Variants in NOL11 observed in about 807,000 individuals in gnomAD.
NOL11 encodes nucleolar protein 11.
Under a neutral mutation model 93.0 loss-of-function variants are expected in NOL11, and 42 were observed. The ratio of observed to expected loss-of-function variants is 0.45; its 90% confidence interval spans 0.35 to 0.58. The LOEUF is 0.58. NOL11 is among the 20% of genes least tolerant of loss of function. NOL11 has a pLI of 0.00. For synonymous variants in NOL11, 296 were observed against 293.7 expected, an observed-to-expected ratio of 1.01 and a Z score of -0.08; for missense variants, 775 against 841.8, an observed-to-expected ratio of 0.92 and a Z score of 0.98.
At chr17:67,743,417 T>C in intron 16 of NOL11, 62 bp from the exon 17 acceptor site, 1 of 714,154 alleles carries the variant, frequency 1.4e-6, no homozygotes, top group South Asian at 1.9e-5. Flanking sequence ...ATGGACTTTG[T>C]AAAGTGAATT....
In NOL11 at chr17:67,724,122, A is replaced by G. The variant is rs1194684847; in HGVS notation, c.593A>G (p.Gln198Arg). The G allele has an allele frequency of 6.3e-7, 1 of 1,595,832 alleles. No homozygotes were observed. Among genetic ancestry groups the G allele is most frequent in the Non-Finnish European group, 8.5e-7 (1 of 1,170,422 alleles). ...ACCAAATATACACTCTTACTTGGAC[A>G]AGACGAAAACTCTGTTATAAAGAGT... is the stretch of plus-strand genomic sequence containing the variant. Reference protein sequence around the residue: ...ILTKYTLLLGQDENSVIKSFT... With the variant: ...ILTKYTLLLGRDENSVIKSFT... The change falls in exon 6 of 18, where the codon CAA becomes CGA. Residue 198 changes from glutamine to arginine, a missense_variant. Transcript: ENST00000253247.
Position 67,719,771 on chromosome 17 carries a change from T to G in NOL11, c.239T>G (p.Val80Gly). 6.2e-7 allele frequency: 1 copy of G among 1,602,450 alleles called. No homozygotes were observed. Among genetic ancestry groups the G allele is most frequent in the Non-Finnish European group, 8.5e-7 (1 of 1,172,936 alleles). ...VCNFQTGEYV[V>G]VHDNKVLRIW... ...AACTTTCAAACTGGAGAGTATGTTG[T>G]TGTACACGATAATAAGGTGAGTTTT... The change falls in exon 2 of 18, where the codon GTT (valine) becomes GGT (glycine). Residue 80 changes from valine to glycine, a missense_variant. Physicochemically the swap from Val to Gly is moderately radical, Grantham distance 109. Coordinates refer to ENST00000253247, the MANE Select transcript of NOL11 (RefSeq NM_015462.5).
chr17:67,724,034 C>CTT lies in NOL11; in HGVS notation c.520-6_520-5dup. ...GAAATGGGAATATTTATAAAATAAC[C>CTT]TTTTTTTTTTGCAGCATGGAAATTA... is the stretch of plus-strand genomic sequence containing the variant. On this transcript the variant is annotated splice_polypyrimidine_tract_variant and intron_variant, in intron 5 of 17. Coordinates refer to ENST00000253247, the MANE Select transcript of NOL11 (RefSeq NM_015462.5). 1.0e-4 allele frequency: 128 copies of CTT among 1,279,564 alleles called. No individual in the cohort carries two copies. Among genetic ancestry groups the CTT allele is most frequent in the African/African-American group, 4.7e-4 (31 of 66,134 alleles). The allele number at this position is 1,279,564 out of a possible 1,614,324, so 79.3% of individuals were successfully genotyped here. A position where few individuals can be genotyped will look rare whatever the true frequency, so the allele number is the denominator to read the frequency against.
intron 16 of NOL11, 38 bp downstream of exon 16, chr17:67,739,646 A>G: frequency 3.0e-6 from 4 of 1,316,256 alleles, no homozygotes; most frequent in Non-Finnish European, 3.2e-6. Flanking sequence ...GTGCTGGGAA[A>G]AATCTGTGAA....
At position 67,726,471 on chromosome 17, in the gene NOL11, T is replaced by G; in HGVS notation, c.676T>G (p.Cys226Gly). The G allele has an allele frequency of 6.2e-7, 1 of 1,611,298 alleles. No homozygotes were observed. Among genetic ancestry groups the G allele is most frequent in the Non-Finnish European group, 8.5e-7 (1 of 1,179,078 alleles). The stretch of plus-strand genomic sequence containing the variant: ...CTTGTTTCCAACAGGCTCTGATGGT[T>G]GTATATATGAAACCTTGATACCAAT... ...ISLMSLSSDG[C>G]IYETLIPIRP... Residue 226 changes from cysteine (C) to glycine (G), a missense_variant, in exon 7 of 18, where the codon TGT becomes GGT. Around this residue, in one of 2 missense-constraint regions of NOL11, gnomAD observed 359 missense variants for 316.5 expected, o/e 1.13. Transcript: ENST00000253247.
chr17:67,741,897 G>A (rs1272776985), intron 16 of NOL11, among the ~76,000 whole-genome samples: 1 of 152,170 alleles, frequency 6.6e-6, no homozygotes, highest in East Asian at 1.9e-4. Context: ...TCCTGGACCA[G>A]TAGACATACA....
chr17:67,733,933 GGATATTGCTCTGTA>G (rs2055177584), intron 7 of NOL11, among the ~76,000 whole-genome samples: 1 of 151,908 alleles, frequency 6.6e-6, no homozygotes, highest in Non-Finnish European at 1.5e-5. Context: ...ATACTCATGG[GGATATTGCTCTGTA>G]GTTTTTTTGT....
intron 7 of NOL11, among the ~76,000 whole-genome samples, chr17:67,732,347 T>G: frequency 6.6e-6 from 1 of 151,652 alleles, no homozygotes. Flanking sequence ...TAGCCGGGTG[T>G]GGTGGCACAT....
rs200159102 is a variant in NOL11, at chr17:67,737,714, A to G, written c.1403+22A>G. ...ACAGGTAGCTGTTTGTGTGTACCACACTGTACGTGCATAATTCTTCTGACC... is the reference window on the plus strand; with the variant it reads ...ACAGGTAGCTGTTTGTGTGTACCACGCTGTACGTGCATAATTCTTCTGACC... On this transcript the variant is annotated intron_variant, in intron 12 of 17. Transcript: ENST00000253247. 2.5e-6 allele frequency: 4 copies of G among 1,607,198 alleles called. No homozygotes were observed. The East Asian group carries it at 6.7e-5, about 27-fold the overall frequency.
chr17:67,718,208 C>T (rs987728244), intron 1 of NOL11, 120 bp downstream of exon 1: 3 of 1,359,364 alleles, frequency 2.2e-6, no homozygotes, highest in Non-Finnish European at 1.0e-6. Context: ...TAGCAGAGAG[C>T]CGGCTGGGCC....
Position 67,737,902 on chromosome 17 carries a change from C to A in NOL11, c.1459C>A (p.Gln487Lys). The A allele has an allele frequency of 1.2e-6, 2 of 1,613,592 alleles. No homozygotes were observed. The highest frequency in any genetic ancestry group is 1.7e-6 in the Non-Finnish European group (2 of 1,179,810). Reference protein sequence around the residue: ...ALKKKDVQLLQLCLQQFPDIP... With the variant: ...ALKKKDVQLLKLCLQQFPDIP... ...AAAAAAGAAAGATGTACAGTTGTTA[C>A]AACTCTGTCTACAGCAGTTCCCTGA... Residue 487 changes from glutamine to lysine, a missense_variant, in exon 13 of 18, where the codon CAA becomes AAA. This residue lies in a region of NOL11 where 416 missense variants were observed against 525.2 expected (regional missense o/e 0.79). Coordinates refer to ENST00000253247, the MANE Select transcript of NOL11 (RefSeq NM_015462.5).
rs751845847 is a variant in NOL11 at position 67,724,088 on chromosome 17, C to T, written c.559C>T (p.Arg187Cys). 1.1e-5 allele frequency: 18 copies of T among 1,578,076 alleles called. No homozygotes were observed. The highest frequency in any genetic ancestry group is 4.5e-5 in the East Asian group (2 of 44,460). The stretch of plus-strand genomic sequence containing the variant: ...TGCTTACGTGCAAATGTTTAACTCA[C>T]GTATCTTAACCAAATATACACTCTT... ...YFAYVQMFNSRILTKYTLLLG... is the reference protein window; with the variant it reads ...YFAYVQMFNSCILTKYTLLLG... Residue 187 changes from arginine (R) to cysteine (C), a missense_variant, in exon 6 of 18, where the codon CGT becomes TGT. Transcript: ENST00000253247.
intron 8 of NOL11, among the ~76,000 whole-genome samples, chr17:67,735,252 CAAAT>C (rs1371925960): frequency 1.3e-5 from 2 of 152,140 alleles, no homozygotes; most frequent in African/African-American, 4.8e-5. Context: ...TATTCATATA[CAAAT>C]AAATCAAGGC....
chr17:67,728,214 CA>C (rs2055117569), intron 7 of NOL11, among the ~76,000 whole-genome samples: 1 of 152,148 alleles, frequency 6.6e-6, no homozygotes, highest in Admixed American at 6.5e-5. Context: ...GAGCTGAGAT[CA>C]CACCACTGCA....
At chr17:67,723,260 C>T (rs2143085950) in intron 5 of NOL11, among the ~76,000 whole-genome samples, 1 of 152,062 alleles carries the variant, frequency 6.6e-6, no homozygotes, top group Non-Finnish European at 1.5e-5. Context: ...GATCCACCCA[C>T]CTCAGCCTCC....
intron 8 of NOL11, among the ~76,000 whole-genome samples, chr17:67,734,782 A>G (rs770981318): frequency 5.3e-5 from 8 of 152,198 alleles, no homozygotes; most frequent in Non-Finnish European, 1.0e-4. Context: ...GAGCTGCTGC[A>G]GTCCAGCCTG....
rs547266367 is a variant in NOL11, at chr17:67,719,931, A to T, written c.281A>T (p.Asp94Val). ...NKVLRIWNNE[D>V]VNLDKVFKAT... is the part of the protein sequence containing the mutation. ...GTTTTAAGAATATGGAATAATGAAG[A>T]TGTAAACCTGGATAAAGTATTTAAA... is the stretch of plus-strand genomic sequence containing the variant. The change falls in exon 3 of 18, where the codon GAT becomes GTT. Residue 94 changes from aspartate (D) to valine (V), a missense_variant. Transcript: ENST00000253247. 263 of 1,575,178 alleles carry T rather than the reference A, an allele frequency of 1.7e-4. 3 individuals are homozygous for T. In the South Asian group the frequency reaches 2.4e-3, roughly 14 times the overall value.
chr17:67,719,505 CACCTTG>C, intron 1 of NOL11, 163 bp from the exon 2 acceptor site: 2 of 443,408 alleles, frequency 4.5e-6, no homozygotes, highest in Non-Finnish European at 8.3e-6. Context: ...GTGATTTGCC[CACCTTG>C]ACCTCTCAAA....
In NOL11 at chr17:67,738,210, G is replaced by A. The variant is rs1183498795; in HGVS notation, c.1618G>A (p.Glu540Lys). Reference sequence around the variant, plus strand: ...AAATTCTGTACATGATGAGAAAATGGAAGAGCAAACTGAAATTCTTCAAAA... The same window carrying A: ...AAATTCTGTACATGATGAGAAAATGAAAGAGCAAACTGAAATTCTTCAAAA... The part of the protein sequence containing the change: ...SINSVHDEKM[E>K]EQTEILQNGF... The change falls in exon 14 of 18, where the codon GAA becomes AAA. Residue 540 changes from glutamate (E) to lysine (K), a missense_variant. Physicochemically the swap from Glu to Lys is moderately conservative, Grantham distance 56 (BLOSUM62 1). Transcript: ENST00000253247. 1 of 1,613,210 alleles carries A rather than the reference G, an allele frequency of 6.2e-7. No homozygotes were observed. The highest frequency in any genetic ancestry group is 8.5e-7 in the Non-Finnish European group (1 of 1,179,468).
Sources: gnomAD v4.1 joint callset for allele counts (sites outside exome capture counted in the v4.1 genomes callset) on GRCh38, gnomAD v4.1.1 for gene constraint, gnomAD v4.1.1 regional missense constraint, MANE v1.5 for transcripts, NCBI Gene and HGNC (gene_info 2026-07-23, HGNC 2026-07-21) for gene names.